BMP1: variants seen among roughly 807,000 people sequenced by gnomAD.
BMP1 encodes the protein bone morphogenetic protein 1, also known as mammalian tolloid protein.
In BMP1, 63 loss-of-function variants were observed where a neutral mutation model predicts 116.8. The observed-to-expected ratio is 0.54, with a 90% CI of 0.44 to 0.67. The LOEUF (loss-of-function observed/expected upper bound fraction) is 0.67, where lower values mean the gene tolerates loss of function less well. Among genes scored for constraint, BMP1 ranks in the 30% least tolerant of loss-of-function variants. The probability of loss-of-function intolerance (pLI) is 0.00; values close to 1 mark genes in which losing one functional copy is unlikely to be tolerated. For missense variants in BMP1, 1,183 were observed against 1,358.9 expected, an observed-to-expected ratio of 0.87 and a Z score of 2.04; for synonymous variants, 536 against 533.4, an observed-to-expected ratio of 1.00 and a Z score of -0.07.
chr8:22,185,173 C>T (rs1041257425), intron 8 of BMP1, among the ~76,000 whole-genome samples: 2 of 152,090 alleles, frequency 1.3e-5, no homozygotes, highest in Admixed American at 6.6e-5. Flanking sequence ...GGGAATCAGC[C>T]GGGTGCGGTG....
intron 1 of BMP1, among the ~76,000 whole-genome samples, chr8:22,172,607 C>T (rs1432687174): frequency 6.2e-4 from 60 of 97,346 alleles, no homozygotes; most frequent in African/African-American, 2.5e-3. Flanking sequence ...TTTATTTCCT[C>T]TTTTTTTTTT....
At chr8:22,167,481 G>T (rs982827107) in intron 1 of BMP1, among the ~76,000 whole-genome samples, 1 of 152,184 alleles carries the variant, frequency 6.6e-6, no homozygotes, top group African/African-American at 2.4e-5. Context: ...TCATGGAGGA[G>T]GTGGGGCTGG....
At chr8:22,199,250 C>A in intron 15 of BMP1, 1 of 1,367,586 alleles carries the variant, frequency 7.3e-7, no homozygotes, top group Non-Finnish European at 9.8e-7. Context: ...GGGCATCTGA[C>A]TCTGGCCCCC....
At chr8:22,201,100 TTCTC>T in intron 15 of BMP1, 1 of 1,276,026 alleles carries the variant, frequency 7.8e-7, no homozygotes, top group Non-Finnish European at 1.1e-6. Context: ...CCTTTTCTCC[TTCTC>T]TCTCTCGTTT....
intron 16 of BMP1, among the ~76,000 whole-genome samples, chr8:22,206,100 C>T (rs1239890808): frequency 2.6e-5 from 4 of 152,186 alleles, no homozygotes; most frequent in African/African-American, 4.8e-5. Flanking sequence ...GGTGCAGTGG[C>T]TCACGCCTGT....
chr8:22,200,964 A>C (rs1470038689), intron 15 of BMP1, among the ~76,000 whole-genome samples: 3 of 151,114 alleles, frequency 2.0e-5, no homozygotes, highest in Non-Finnish European at 4.4e-5. Context: ...GGACATGGCC[A>C]CCCTGCATGT....
At chr8:22,176,082 T>TA in intron 2 of BMP1, 61 bp from the exon 3 acceptor site, 2 of 1,553,644 alleles carry the variant, frequency 1.3e-6, no homozygotes, top group Non-Finnish European at 1.8e-6. Flanking sequence ...GAGGTTTGAC[T>TA]ATGCTTTTGC....
chr8:22,197,675 A>G (rs1829132643), intron 15 of BMP1, among the ~76,000 whole-genome samples: 1 of 152,192 alleles, frequency 6.6e-6, no homozygotes, highest in African/African-American at 2.4e-5. Flanking sequence ...AGAAATCAGC[A>G]CCCAGAAGTG....
Position 22,211,580 on chromosome 8 carries a change from C to A in BMP1, c.2827-14C>A. 1.9e-6 allele frequency: 3 copies of A among 1,614,128 alleles called. No homozygotes were observed. Among genetic ancestry groups the A allele is most frequent in the Non-Finnish European group, 2.5e-6 (3 of 1,180,010 alleles). On this transcript the variant is annotated splice_polypyrimidine_tract_variant and intron_variant, in intron 19 of 19. Transcript: ENST00000306385. Reference sequence around the variant, plus strand: ...CCTCTTCCTCCACCTTACCCCATCTCTTTTCTCTGCCAGCCTCCTGAGGAG... The same window carrying A: ...CCTCTTCCTCCACCTTACCCCATCTATTTTCTCTGCCAGCCTCCTGAGGAG...
intron 16 of BMP1, among the ~76,000 whole-genome samples, chr8:22,204,672 A>G (rs1407325055): frequency 6.6e-6 from 1 of 152,172 alleles, no homozygotes; most frequent in Non-Finnish European, 1.5e-5. Context: ...GCAGTGAGCC[A>G]GGATCGCGCC....
chr8:22,183,823 G>C (rs1321484083), intron 8 of BMP1, among the ~76,000 whole-genome samples: 1 of 152,102 alleles, frequency 6.6e-6, no homozygotes, highest in Non-Finnish European at 1.5e-5. Flanking sequence ...TGATTCGCCT[G>C]CCTCGGCCTC....
intron 1 of BMP1, among the ~76,000 whole-genome samples, chr8:22,173,064 T>A (rs1447389428): frequency 6.6e-6 from 1 of 152,190 alleles, no homozygotes; most frequent in Non-Finnish European, 1.5e-5. Flanking sequence ...ACTTGCATAT[T>A]ATGGAAGGTT....
chr8:22,198,913 G>C (rs1829169926), intron 15 of BMP1: 4 of 1,199,518 alleles, frequency 3.3e-6, no homozygotes, highest in Non-Finnish European at 4.3e-6. Context: ...ACTCCTAAGA[G>C]GTGCTCACCA....
At chr8:22,185,567 C>T (rs535477784) in intron 8 of BMP1, among the ~76,000 whole-genome samples, 84 of 152,250 alleles carry the variant, frequency 5.5e-4, no homozygotes, top group African/African-American at 1.9e-3. Context: ...TGGCAATATC[C>T]GCCCTCATTC....
chr8:22,207,207 A>G (rs956832967), intron 17 of BMP1, 96 bp from the exon 18 acceptor site: 4 of 1,437,846 alleles, frequency 2.8e-6, no homozygotes, highest in Non-Finnish European at 3.8e-6. Context: ...GGCTGCTCCC[A>G]TGGGTATCTG....
At position 22,194,755 on chromosome 8, in the gene BMP1, A is replaced by G. The variant is rs1473581708; in HGVS notation, c.1475A>G (p.Tyr492Cys). 1.9e-6 allele frequency: 3 copies of G among 1,612,558 alleles called. No individual in the cohort carries two copies. Among genetic ancestry groups the G allele is most frequent in the South Asian group, 2.2e-5 (2 of 90,858 alleles). The stretch of plus-strand genomic sequence containing the variant: ...CGCCACGACAGCTGTGCCTACGACT[A>G]TCTGGAGGTGCGCGACGGGCACAGT... ...IERHDSCAYD[Y>C]LEVRDGHSES... The change falls in exon 12 of 20, where the codon TAT becomes TGT. Residue 492 changes from tyrosine to cysteine, a missense_variant. This residue lies in a region of BMP1 where 956 missense variants were observed against 1,135.2 expected (regional missense o/e 0.84). Transcript: ENST00000306385. The surrounding 1 kb of genome is among the most constrained non-coding windows in gnomAD (Gnocchi z 4.5).
At chr8:22,201,288 C>T (rs982235378) in intron 15 of BMP1, 1 of 1,529,348 alleles carries the variant, frequency 6.5e-7, no homozygotes, top group African/African-American at 1.4e-5. Context: ...CCCACCAACC[C>T]CCCACCTCCA....
rs758907246 is a variant in BMP1, at chr8:22,179,859, G to T, written c.961+30G>T. On this transcript the variant is annotated intron_variant, in intron 7 of 19. Transcript: ENST00000306385. This position sits in a 1 kb window ranked among gnomAD's most constrained non-coding sequence, Gnocchi z 4.6. Reference sequence around the variant, plus strand: ...GGGCAGAGAAGGGATGGGTGAGGGCGTGGAGGGCAGGGCCTGAGGGAGGCA... The same window carrying T: ...GGGCAGAGAAGGGATGGGTGAGGGCTTGGAGGGCAGGGCCTGAGGGAGGCA... The T allele has an allele frequency of 6.3e-7, 1 of 1,599,516 alleles. No homozygotes were observed. The highest frequency in any genetic ancestry group is 1.7e-5 in the Admixed American group (1 of 59,150).
rs148066802 is a variant in BMP1 at position 22,181,982 on chromosome 8, G to A, written c.1077+1499G>A. ...TTCCCATGTCAGCCCTCCTAATGTGGGGAGGCTACTCCCATCACTTCTTAG... is the reference window on the plus strand; with the variant it reads ...TTCCCATGTCAGCCCTCCTAATGTGAGGAGGCTACTCCCATCACTTCTTAG... On this transcript the variant is annotated intron_variant, in intron 8 of 19. Coordinates refer to ENST00000306385, the MANE Select transcript of BMP1 (RefSeq NM_006129.5). 1.6e-3 allele frequency among the ~76,000 whole-genome samples: 243 copies of A among 152,202 alleles called. 3 individuals are homozygous for A. In the East Asian group the frequency reaches 0.016, roughly 10 times the overall value.
Sources: allele counts gnomAD v4.1 joint callset (sites outside exome capture counted in the v4.1 genomes callset), GRCh38; gene constraint gnomAD v4.1.1; regional missense constraint gnomAD v4.1.1; non-coding constraint Gnocchi (gnomAD v3.1); transcripts MANE v1.5; gene names NCBI Gene and HGNC (gene_info 2026-07-23, HGNC 2026-07-21).